The following ITGA9 variants were observed in gnomAD, a reference collection of about 807,000 sequenced individuals.
The protein encoded by ITGA9 is integrin subunit alpha 9.
ITGA9 carries 56 observed loss-of-function variants against 127.8 expected under a neutral mutation model. The ratio of observed to expected loss-of-function variants is 0.44; its 90% CI spans 0.35 to 0.55. ITGA9 has a LOEUF of 0.55. Ranked by LOEUF, ITGA9 falls within the 20% of genes least tolerant of loss-of-function variation. The pLI is 0.00. For synonymous variants in ITGA9, 508 were observed against 514.5 expected (o/e 0.99, Z 0.17); for missense variants, 1,196 against 1,347.1 (o/e 0.89, Z 1.76).
intron 18 of ITGA9, among the ~76,000 whole-genome samples, chr3:37,690,881 T>C (rs576308491): frequency 6.6e-6 from 1 of 152,232 alleles, no homozygotes; most frequent in East Asian, 1.9e-4. Context: ...GGTGAAGTTA[T>C]ATAGGCAGGA....
chr3:37,739,938 A>G (rs1483859321), intron 20 of ITGA9, among the ~76,000 whole-genome samples: 1 of 152,206 alleles, frequency 6.6e-6, no homozygotes, highest in African/African-American at 2.4e-5. Context: ...CAAGGAAGTC[A>G]GGCTGTGTGG....
At chr3:37,481,629 C>G (rs541254333) in intron 4 of ITGA9, 22 bp downstream of exon 4, 1 of 1,614,112 alleles carries the variant, frequency 6.2e-7, no homozygotes. Context: ...TTGATTTTTC[C>G]TCATCCCCCT....
chr3:37,501,641 T>G (rs530548173), intron 5 of ITGA9, among the ~76,000 whole-genome samples: 1 of 152,258 alleles, frequency 6.6e-6, no homozygotes, highest in Non-Finnish European at 1.5e-5. Context: ...TGTGGATTGG[T>G]TTTGCTGATT....
intron 15 of ITGA9, among the ~76,000 whole-genome samples, chr3:37,623,039 T>C (rs996827412): frequency 7.2e-5 from 11 of 152,184 alleles, no homozygotes; most frequent in African/African-American, 2.7e-4. Context: ...TTGATCTGGA[T>C]ATTTCCTATT....
intron 4 of ITGA9, among the ~76,000 whole-genome samples, chr3:37,483,370 CTT>C (rs961676432): frequency 2.0e-5 from 3 of 151,978 alleles, no homozygotes; most frequent in Non-Finnish European, 4.4e-5. Flanking sequence ...GATCTGAGGT[CTT>C]TACACATTCT....
rs72859013 is a variant in ITGA9 at position 37,691,327 on chromosome 3, A to G, written c.2067+7312A>G. ...CTGAGGTTCTTATACAAGATCTAGTAGCATACACCTCACAGTGTGCAGGAG... is the reference window on the plus strand; with the variant it reads ...CTGAGGTTCTTATACAAGATCTAGTGGCATACACCTCACAGTGTGCAGGAG... On this transcript the variant is annotated intron_variant, in intron 18 of 27. Transcript: ENST00000264741. 9.1e-3 allele frequency among the ~76,000 whole-genome samples: 1,387 copies of G among 152,258 alleles called. 25 individuals carry two copies. The highest frequency in any genetic ancestry group is 0.031 in the African/African-American group (1,301 of 41,556).
At chr3:37,749,017 A>T in intron 22 of ITGA9, 1 of 439,062 alleles carries the variant, frequency 2.3e-6, no homozygotes, top group South Asian at 3.8e-5. Flanking sequence ...CTGCTGTAAC[A>T]AATTACTACA....
At chr3:37,472,135 C>G (rs527509175) in intron 2 of ITGA9, among the ~76,000 whole-genome samples, 2 of 152,270 alleles carry the variant, frequency 1.3e-5, no homozygotes, top group East Asian at 3.9e-4. Context: ...ATGGTTCTGA[C>G]TGCATTCAAA....
chr3:37,549,732 A>G (rs17036618), intron 15 of ITGA9, among the ~76,000 whole-genome samples: 27,531 of 152,088 alleles, frequency 0.18, 3,475 homozygotes, highest in African/African-American at 0.36. Context: ...ATCACCTTCT[A>G]GTCATTCCTG....
chr3:37,628,618 C>T (rs887135243), intron 15 of ITGA9, among the ~76,000 whole-genome samples: 3 of 152,148 alleles, frequency 2.0e-5, no homozygotes, highest in African/African-American at 7.2e-5. Flanking sequence ...CCTTTCCCAT[C>T]GTGACTGTCA....
At chr3:37,817,040 G>A (rs1330084264) in intron 27 of ITGA9, among the ~76,000 whole-genome samples, 1 of 152,234 alleles carries the variant, frequency 6.6e-6, no homozygotes, top group African/African-American at 2.4e-5. Flanking sequence ...GGTGGCAACA[G>A]ACAGCTCCTC....
chr3:37,623,656 CAG>C (rs1461092240), intron 15 of ITGA9, among the ~76,000 whole-genome samples: 4 of 143,816 alleles, frequency 2.8e-5, no homozygotes, highest in South Asian at 2.2e-4. Context: ...TAATTTTAAA[CAG>C]GGGTGTGTGT....
At position 37,567,813 on chromosome 3, in the gene ITGA9, G is replaced by A. The variant is rs146864982; in HGVS notation, c.1689+25228G>A. Among the ~76,000 whole-genome samples the A allele has an allele frequency of 2.7e-3, 410 of 152,292 alleles. 2 individuals are homozygous for A. The highest frequency in any genetic ancestry group is 4.3e-3 in the Non-Finnish European group (293 of 68,016). ...CAAAAGATAGGCTCCCATGGACTTG[G>A]GCAGCTCTGCGTCTGTGGCTTTGCA... On this transcript the variant is annotated intron_variant, in intron 15 of 27. Coordinates refer to ENST00000264741, the MANE Select transcript of ITGA9 (RefSeq NM_002207.3).
At position 37,647,894 on chromosome 3, in the gene ITGA9, A is replaced by G. The variant is rs1466151491; in HGVS notation, c.1840-5820A>G. Among the ~76,000 whole-genome samples the G allele has an allele frequency of 2.6e-5, 4 of 152,258 alleles. No homozygotes were observed. The Middle Eastern group carries it at 0.01, about 388-fold the overall frequency. On this transcript the variant is annotated intron_variant, in intron 16 of 27. Coordinates refer to ENST00000264741, the MANE Select transcript of ITGA9 (RefSeq NM_002207.3). ...GTGTGTGTAGTATATATACATATAT[A>G]CACACCACAATTTCTTTATCCATTC...
intron 25 of ITGA9, 141 bp downstream of exon 25, chr3:37,780,162 G>C: frequency 1.1e-6 from 1 of 934,380 alleles, no homozygotes; most frequent in Non-Finnish European, 1.7e-6. Flanking sequence ...CCTTTTGGCT[G>C]TCTACAAGAG....
At chr3:37,741,654 A>C in intron 20 of ITGA9, 76 bp from the exon 21 acceptor site, 2 of 1,141,840 alleles carry the variant, frequency 1.8e-6, no homozygotes, top group Non-Finnish European at 2.6e-6. Context: ...ATTCAACTCT[A>C]AAGTGGAACA....
At chr3:37,770,459 T>G (rs1696829107) in intron 23 of ITGA9, among the ~76,000 whole-genome samples, 1 of 152,082 alleles carries the variant, frequency 6.6e-6, no homozygotes, top group Admixed American at 6.5e-5. Flanking sequence ...CTGTGTCCTC[T>G]CTCTTGCTCT....
rs533855495 is a variant in ITGA9 at position 37,648,840 on chromosome 3, G to T, written c.1840-4874G>T. Reference sequence around the variant, plus strand: ...AGTAAATAGCTTTTATGTCTATGAAGAAAGTTAAAAGACAAAAGTATTTTA... The same window carrying T: ...AGTAAATAGCTTTTATGTCTATGAATAAAGTTAAAAGACAAAAGTATTTTA... On this transcript the variant is annotated intron_variant, in intron 16 of 27. Coordinates refer to ENST00000264741, the MANE Select transcript of ITGA9 (RefSeq NM_002207.3). Among the ~76,000 whole-genome samples, 60 of 151,958 alleles carry T rather than the reference G, an allele frequency of 3.9e-4. 1 individual carries two copies. Among genetic ancestry groups the T allele is most frequent in the Non-Finnish European group, 7.2e-4 (49 of 67,954 alleles).
At chr3:37,485,458 T>G (rs572644295) in intron 4 of ITGA9, among the ~76,000 whole-genome samples, 1 of 151,986 alleles carries the variant, frequency 6.6e-6, no homozygotes, top group Non-Finnish European at 1.5e-5. Flanking sequence ...GGCCTCTCAG[T>G]GGGAGTCGAT....
Sources: allele counts gnomAD v4.1 joint callset (sites outside exome capture counted in the v4.1 genomes callset), GRCh38; gene constraint gnomAD v4.1.1; transcripts MANE v1.5; gene names NCBI Gene and HGNC (gene_info 2026-07-23, HGNC 2026-07-21).